Variants in ARHGAP24 observed in about 807,000 individuals in gnomAD.
The protein encoded by ARHGAP24 is rho GTPase-activating protein 24.
Under a neutral mutation model 76.4 loss-of-function variants are expected in ARHGAP24, and 50 were observed. The ratio of observed to expected loss-of-function variants is 0.65; its 90% CI spans 0.52 to 0.83. The LOEUF (loss-of-function observed/expected upper bound fraction) is 0.83, where lower values mean the gene tolerates loss of function less well. Among genes scored for constraint, ARHGAP24 ranks in the 40% least tolerant of loss-of-function variants. The probability of loss-of-function intolerance (pLI) is 0.00; values close to 1 mark genes in which losing one functional copy is unlikely to be tolerated. For synonymous variants in ARHGAP24, 345 were observed against 323.3 expected (o/e 1.07, Z -0.72); for missense variants, 930 against 914.2 (o/e 1.02, Z -0.22).
At chr4:85,987,787 T>A (rs1388552960) in intron 8 of ARHGAP24, among the ~76,000 whole-genome samples, 1 of 151,902 alleles carries the variant, frequency 6.6e-6, no homozygotes, top group African/African-American at 2.4e-5. Flanking sequence ...GAAAAAATAC[T>A]CATTTTTTTC....
intron 3 of ARHGAP24, among the ~76,000 whole-genome samples, chr4:85,905,604 T>C (rs896185757): frequency 6.6e-6 from 1 of 152,224 alleles, no homozygotes; most frequent in Non-Finnish European, 1.5e-5. Context: ...CCACAAGTTC[T>C]GTGTGGAAAG....
At chr4:85,477,079 T>A (rs879942541) in intron 1 of ARHGAP24, among the ~76,000 whole-genome samples, 4 of 152,178 alleles carry the variant, frequency 2.6e-5, no homozygotes, top group African/African-American at 4.8e-5. Flanking sequence ...TCACAGGCAG[T>A]ATATTCTTGG....
chr4:85,905,480 T>C (rs1247805841), intron 3 of ARHGAP24, among the ~76,000 whole-genome samples: 1 of 152,216 alleles, frequency 6.6e-6, no homozygotes, highest in Non-Finnish European at 1.5e-5. Flanking sequence ...TCTTCCTTCG[T>C]TCATCCCTTC....
At position 85,881,628 on chromosome 4, in the gene ARHGAP24, T is replaced by C. The variant is rs78509383; in HGVS notation, c.269-42020T>C. Among the ~76,000 whole-genome samples the C allele has an allele frequency of 4.2e-3, 239 of 56,912 alleles. 4 individuals are homozygous for C. The highest frequency in any genetic ancestry group is 0.013 in the African/African-American group (229 of 17,066). 37.3% of individuals were successfully genotyped at this position (56,912 alleles called of 152,430 possible). On this transcript the variant is annotated intron_variant, in intron 3 of 9. Transcript: ENST00000395184. Reference sequence around the variant, plus strand: ...TGTCATGCTTTCAAATTGTGAAGCATATTTTTGTTATCTGGGGAAACCAAC... The same window carrying C: ...TGTCATGCTTTCAAATTGTGAAGCACATTTTTGTTATCTGGGGAAACCAAC...
intron 1 of ARHGAP24, among the ~76,000 whole-genome samples, chr4:85,567,041 A>G (rs1451981253): frequency 6.6e-6 from 1 of 152,134 alleles, no homozygotes. Context: ...GATGGGGAGA[A>G]GGTGGCATGA....
At chr4:85,622,593 G>T (rs931876849) in intron 2 of ARHGAP24, among the ~76,000 whole-genome samples, 10 of 152,076 alleles carry the variant, frequency 6.6e-5, no homozygotes, top group South Asian at 4.2e-4. Context: ...ATGATTTATA[G>T]TCCTTTGGGT....
intron 1 of ARHGAP24, among the ~76,000 whole-genome samples, chr4:85,497,532 G>A (rs997350367): frequency 5.9e-5 from 9 of 152,122 alleles, no homozygotes; most frequent in Non-Finnish European, 1.5e-5. Context: ...ATTAAGAAAT[G>A]CAGCACCGGC....
intron 3 of ARHGAP24, among the ~76,000 whole-genome samples, chr4:85,800,787 T>C (rs966101614): frequency 1.3e-5 from 2 of 152,218 alleles, no homozygotes; most frequent in African/African-American, 4.8e-5. Context: ...ATTTTAAAAA[T>C]GTTAATGTTT....
Position 85,995,543 on chromosome 4 carries a change from G to C in ARHGAP24, c.1889G>C (p.Ser630Thr), listed in dbSNP as rs780667581. The change falls in exon 9 of 10, where the codon AGT (serine) becomes ACT (threonine). Residue 630 changes from serine (S) to threonine (T), a missense_variant. Coordinates refer to ENST00000395184, the MANE Select transcript of ARHGAP24 (RefSeq NM_001025616.3). ...SSRATSSSDNSETFVGNSSSN... is the reference protein window; with the variant it reads ...SSRATSSSDNTETFVGNSSSN... ...CGTGCCACCAGTAGCAGTGACAACA[G>C]TGAGACATTTGTGGGCAACAGCAGC... The C allele has an allele frequency of 5.0e-6, 8 of 1,611,340 alleles. No individual in the cohort carries two copies. In the African/African-American group the frequency reaches 1.1e-4, roughly 22 times the overall value.
At chr4:85,880,792 G>A (rs1357269832) in intron 3 of ARHGAP24, among the ~76,000 whole-genome samples, 1 of 152,196 alleles carries the variant, frequency 6.6e-6, no homozygotes, top group Non-Finnish European at 1.5e-5. Context: ...GCCTCCCAAA[G>A]TGCTGCGATT....
intron 2 of ARHGAP24, among the ~76,000 whole-genome samples, chr4:85,586,950 A>G (rs1290389931): frequency 6.6e-6 from 1 of 152,192 alleles, no homozygotes; most frequent in Non-Finnish European, 1.5e-5. Context: ...CTTAATTCAC[A>G]TAATACCTTA....
At chr4:85,832,370 A>T (rs535705110) in intron 3 of ARHGAP24, among the ~76,000 whole-genome samples, 8 of 152,312 alleles carry the variant, frequency 5.3e-5, no homozygotes, top group African/African-American at 1.9e-4. Context: ...GTTGGTTTGC[A>T]TGTGAAAACA....
intron 3 of ARHGAP24, among the ~76,000 whole-genome samples, chr4:85,725,568 C>G (rs1297944651): frequency 1.3e-5 from 2 of 152,356 alleles, no homozygotes; most frequent in East Asian, 3.9e-4. Flanking sequence ...GATGATACTG[C>G]TGGGGCATAG....
chr4:85,782,168 G>A (rs556310257), intron 3 of ARHGAP24, among the ~76,000 whole-genome samples: 8 of 151,776 alleles, frequency 5.3e-5, no homozygotes, highest in South Asian at 4.2e-4. Flanking sequence ...TTGAAACACC[G>A]CTGTTTTAAA....
chr4:85,654,267 C>T (rs993227466), intron 2 of ARHGAP24, among the ~76,000 whole-genome samples: 1 of 152,138 alleles, frequency 6.6e-6, no homozygotes, highest in East Asian at 1.9e-4. Context: ...TCTGTGTGTA[C>T]AGCCTGGCAT....
At chr4:85,683,119 G>GGGGC (rs1723282003) in intron 2 of ARHGAP24, among the ~76,000 whole-genome samples, 4 of 80,100 alleles carry the variant, frequency 5.0e-5, no homozygotes, top group African/African-American at 2.0e-4. Flanking sequence ...TGGGGGGGTG[G>GGGGC]GGGGGGGGTG....
intron 2 of ARHGAP24, among the ~76,000 whole-genome samples, chr4:85,641,806 C>T (rs1721532272): frequency 6.6e-6 from 1 of 152,166 alleles, no homozygotes; most frequent in Non-Finnish European, 1.5e-5. Context: ...AGCTTCCACA[C>T]CCTTCCTGGC....
chr4:85,983,002 T>C (rs184668324), intron 8 of ARHGAP24, among the ~76,000 whole-genome samples: 1 of 152,290 alleles, frequency 6.6e-6, no homozygotes, highest in East Asian at 1.9e-4. Flanking sequence ...CTCCCACTTG[T>C]GAATGAGAAC....
intron 3 of ARHGAP24, among the ~76,000 whole-genome samples, chr4:85,782,507 T>G (rs563327267): frequency 6.6e-6 from 1 of 152,180 alleles, no homozygotes; most frequent in Non-Finnish European, 1.5e-5. Flanking sequence ...TAGTACAACC[T>G]TATGAGAATT....
Sources: allele counts gnomAD v4.1 joint callset (sites outside exome capture counted in the v4.1 genomes callset), GRCh38; gene constraint gnomAD v4.1.1; transcripts MANE v1.5; gene names NCBI Gene and HGNC (gene_info 2026-07-23, HGNC 2026-07-21).